ROBO2: variants seen among roughly 807,000 people sequenced by gnomAD.
The protein encoded by ROBO2 is roundabout homolog 2.
A neutral mutation model predicts 160.8 loss-of-function variants in ROBO2; 53 were observed. That is an observed-to-expected ratio of 0.33 (90% CI 0.26 to 0.41). ROBO2 has a LOEUF of 0.41. ROBO2 is among the 10% of genes least tolerant of loss of function. ROBO2 has a pLI of 1.00. For synonymous variants in ROBO2, 664 were observed against 611.7 expected, an observed-to-expected ratio of 1.09 and a Z score of -1.26; for missense variants, 1,577 against 1,722.4, an observed-to-expected ratio of 0.92 and a Z score of 1.49.
intron 2 of ROBO2, among the ~76,000 whole-genome samples, chr3:76,202,195 G>T (rs537537710): frequency 6.6e-6 from 1 of 152,226 alleles, no homozygotes; most frequent in South Asian, 2.1e-4. Flanking sequence ...GCAATGTTCT[G>T]TCTCACTTGA....
At chr3:77,407,098 T>C (rs140691344) in intron 2 of ROBO2, among the ~76,000 whole-genome samples, 1 of 152,296 alleles carries the variant, frequency 6.6e-6, no homozygotes, top group Non-Finnish European at 1.5e-5. Flanking sequence ...AGTGCTGGAA[T>C]TACAAGAGTG....
intron 16 of ROBO2, among the ~76,000 whole-genome samples, chr3:77,582,566 G>C (rs572052385): frequency 6.6e-6 from 1 of 152,226 alleles, no homozygotes; most frequent in South Asian, 2.1e-4. Context: ...GAAAGGGTTA[G>C]TATTTTTTGG....
At chr3:75,995,110 G>C (rs2065687432) in intron 2 of ROBO2, among the ~76,000 whole-genome samples, 1 of 152,140 alleles carries the variant, frequency 6.6e-6, no homozygotes, top group Non-Finnish European at 1.5e-5. Context: ...ACATTTTCTG[G>C]GGAGAAATTA....
At chr3:76,976,905 A>T (rs896702402) in intron 2 of ROBO2, among the ~76,000 whole-genome samples, 1 of 143,382 alleles carries the variant, frequency 7.0e-6, no homozygotes, top group African/African-American at 3.0e-5. Context: ...CTAACAAATT[A>T]TTAAACCTGA....
chr3:76,953,451 A>G (rs930683049), intron 2 of ROBO2, among the ~76,000 whole-genome samples: 26 of 152,166 alleles, frequency 1.7e-4, no homozygotes, highest in African/African-American at 6.0e-4. Context: ...ACTTGAGGGC[A>G]TTGAACTCAA....
At chr3:76,737,587 A>G (rs1454180705) in intron 2 of ROBO2, among the ~76,000 whole-genome samples, 4 of 152,030 alleles carry the variant, frequency 2.6e-5, no homozygotes, top group Non-Finnish European at 4.4e-5. Context: ...AATCCAAGCT[A>G]CTCCAAGCTC....
At chr3:76,402,519 G>T (rs1467350759) in intron 2 of ROBO2, among the ~76,000 whole-genome samples, 1 of 151,490 alleles carries the variant, frequency 6.6e-6, no homozygotes, top group Non-Finnish European at 1.5e-5. Flanking sequence ...TCATAGTTCT[G>T]CAGGTAACAA....
At chr3:77,300,088 A>T (rs528665580) in intron 2 of ROBO2, among the ~76,000 whole-genome samples, 2 of 152,266 alleles carry the variant, frequency 1.3e-5, no homozygotes, top group African/African-American at 4.8e-5. Context: ...ATAAATGCAA[A>T]TTTTGTAACT....
intron 2 of ROBO2, among the ~76,000 whole-genome samples, chr3:76,915,391 T>C (rs2148955329): frequency 6.6e-6 from 1 of 152,244 alleles, no homozygotes; most frequent in African/African-American, 2.4e-5. Flanking sequence ...CCAGGTGCGG[T>C]GGCTCACACC....
At chr3:77,212,956 G>A (rs1410116531) in intron 2 of ROBO2, among the ~76,000 whole-genome samples, 1 of 152,288 alleles carries the variant, frequency 6.6e-6, no homozygotes, top group Non-Finnish European at 1.5e-5. Flanking sequence ...GCTTTTTGAT[G>A]TGCTGCTGGA....
intron 2 of ROBO2, among the ~76,000 whole-genome samples, chr3:76,962,245 G>T (rs2079719813): frequency 6.6e-6 from 1 of 152,062 alleles, no homozygotes; most frequent in Admixed American, 6.6e-5. Context: ...TGAGGCAGGA[G>T]AATTGCTTGA....
intron 23 of ROBO2, among the ~76,000 whole-genome samples, chr3:77,625,037 G>A (rs1376611731): frequency 6.6e-6 from 1 of 152,134 alleles, no homozygotes; most frequent in Non-Finnish European, 1.5e-5. Context: ...GTTATCCAGG[G>A]ACAGAGCCCA....
At chr3:76,758,114 G>A (rs1429192273) in intron 2 of ROBO2, among the ~76,000 whole-genome samples, 1 of 151,500 alleles carries the variant, frequency 6.6e-6, no homozygotes, top group African/African-American at 2.4e-5. Context: ...GACATAACTC[G>A]ATACAAAAGC....
intron 2 of ROBO2, among the ~76,000 whole-genome samples, chr3:77,135,151 C>A (rs922565991): frequency 6.6e-6 from 1 of 152,162 alleles, no homozygotes; most frequent in African/African-American, 2.4e-5. Context: ...CAGCAGCCTT[C>A]AACATGCAAA....
chr3:76,161,410 C>A (rs1181496623), intron 2 of ROBO2, among the ~76,000 whole-genome samples: 2 of 151,926 alleles, frequency 1.3e-5, no homozygotes, highest in Non-Finnish European at 2.9e-5. Flanking sequence ...AAGAAAAATC[C>A]TAAAACACAT....
intron 2 of ROBO2, among the ~76,000 whole-genome samples, chr3:76,155,097 G>T (rs2072354574): frequency 6.6e-6 from 1 of 152,098 alleles, no homozygotes; most frequent in African/African-American, 2.4e-5. Flanking sequence ...TAGTACCGAA[G>T]AAGTGTCCCT....
intron 2 of ROBO2, among the ~76,000 whole-genome samples, chr3:76,105,940 A>G (rs1414349868): frequency 6.6e-6 from 1 of 152,136 alleles, no homozygotes; most frequent in Non-Finnish European, 1.5e-5. Context: ...ATTTCATAAT[A>G]CCACTGTACA....
intron 2 of ROBO2, among the ~76,000 whole-genome samples, chr3:76,528,585 T>C (rs908178837): frequency 2.0e-5 from 3 of 151,848 alleles, no homozygotes; most frequent in Non-Finnish European, 2.9e-5. Flanking sequence ...GAGCTCAGAA[T>C]TGGACTTGTT....
intron 2 of ROBO2, among the ~76,000 whole-genome samples, chr3:77,005,401 T>G (rs576914375): frequency 6.6e-6 from 1 of 152,336 alleles, no homozygotes; most frequent in African/African-American, 2.4e-5. Flanking sequence ...ATATCATTCC[T>G]TATATTTGTT....
Sources: gnomAD v4.1 joint callset for allele counts (sites outside exome capture counted in the v4.1 genomes callset) on GRCh38, gnomAD v4.1.1 for gene constraint, MANE v1.5 for transcripts, NCBI Gene and HGNC (gene_info 2026-07-23, HGNC 2026-07-21) for gene names.